RASAL2: variants seen among roughly 807,000 people sequenced by gnomAD.
RASAL2 encodes ras GTPase-activating protein nGAP.
RASAL2 carries 58 observed loss-of-function variants against 128.9 expected under a neutral mutation model. The ratio of observed to expected loss-of-function variants is 0.45; its 90% CI spans 0.36 to 0.56. RASAL2 has a LOEUF of 0.56. Among genes scored for constraint, RASAL2 ranks in the 20% least tolerant of loss-of-function variants. The pLI, the probability that RASAL2 is intolerant of heterozygous loss-of-function variation, is 0.00. For missense variants in RASAL2, 1,360 were observed against 1,601.6 expected, an observed-to-expected ratio of 0.85 and a Z score of 2.57; for synonymous variants, 561 against 580.8, an observed-to-expected ratio of 0.97 and a Z score of 0.49.
chr1:178,254,709 G>A (rs1665238441), intron 1 of RASAL2, among the ~76,000 whole-genome samples: 1 of 152,006 alleles, frequency 6.6e-6, no homozygotes, highest in Non-Finnish European at 1.5e-5. Flanking sequence ...TTTCTTCTCA[G>A]GAATACAGAA....
intron 1 of RASAL2, among the ~76,000 whole-genome samples, chr1:178,109,701 T>C (rs1198701927): frequency 6.6e-6 from 1 of 152,138 alleles, no homozygotes; most frequent in African/African-American, 2.4e-5. Context: ...AGTATTTCAT[T>C]CTGACCAATT....
Position 178,457,870 on chromosome 1 carries a change from C to A in RASAL2, c.2578C>A (p.Gln860Lys), listed in dbSNP as rs781216093. 15 of 1,614,054 alleles carry A rather than the reference C, an allele frequency of 9.3e-6. No homozygotes were observed. Among genetic ancestry groups the A allele is most frequent in the Non-Finnish European group, 1.2e-5 (14 of 1,180,038 alleles). ...LMDLQDTHAAQVEHASVMLDV... is the reference protein window; with the variant it reads ...LMDLQDTHAAKVEHASVMLDV... ...GGACCTCCAGGACACTCATGCTGCT[C>A]AAGTGGAGCATGCATCTGTCATGCT... The change falls in exon 14 of 18, where the codon CAA becomes AAA. Residue 860 changes from glutamine to lysine, a missense_variant. Gln to Lys is a moderately conservative substitution (Grantham distance 53). This residue lies in a region of RASAL2 where 741 missense variants were observed against 868.6 expected (regional missense o/e 0.85). Transcript: ENST00000367649.
At chr1:178,396,581 G>A (rs1447289885) in intron 4 of RASAL2, among the ~76,000 whole-genome samples, 2 of 152,012 alleles carry the variant, frequency 1.3e-5, no homozygotes, top group Non-Finnish European at 2.9e-5. Context: ...GGTCTTCTCA[G>A]CTGTACTTAT....
At chr1:178,346,737 T>C (rs1220319438) in intron 3 of RASAL2, among the ~76,000 whole-genome samples, 1 of 152,180 alleles carries the variant, frequency 6.6e-6, no homozygotes, top group Non-Finnish European at 1.5e-5. Flanking sequence ...TCTTCTCATC[T>C]CTGAGAAATG....
intron 4 of RASAL2, among the ~76,000 whole-genome samples, chr1:178,417,970 TAGCTACATTTATTAGCAAATGTGGTG>T (rs969721522): frequency 7.2e-5 from 11 of 152,248 alleles, no homozygotes; most frequent in Non-Finnish European, 1.6e-4. Context: ...CCTGGTTTGC[TAGCTACATTTATTAGCAAATGTGGTG>T]ACTCATTCTG....
chr1:178,133,395 G>A (rs976262863), intron 1 of RASAL2, among the ~76,000 whole-genome samples: 2 of 151,836 alleles, frequency 1.3e-5, no homozygotes, highest in African/African-American at 4.8e-5. Flanking sequence ...TGAATAGCAG[G>A]ACAGACTTGA....
intron 1 of RASAL2, among the ~76,000 whole-genome samples, chr1:178,255,452 G>C (rs1286956683): frequency 6.6e-6 from 1 of 152,018 alleles, no homozygotes; most frequent in East Asian, 1.9e-4. Context: ...AGACATGGGT[G>C]GGAATAAAGC....
intron 1 of RASAL2, among the ~76,000 whole-genome samples, chr1:178,230,860 C>A (rs1310374829): frequency 6.6e-6 from 1 of 152,024 alleles, no homozygotes; most frequent in Non-Finnish European, 1.5e-5. Flanking sequence ...TTGATTCTTC[C>A]CTTGGGGTAG....
intron 1 of RASAL2, among the ~76,000 whole-genome samples, chr1:178,197,951 T>G (rs1571617218): frequency 6.6e-6 from 1 of 152,196 alleles, no homozygotes; most frequent in East Asian, 1.9e-4. Flanking sequence ...CATGCAGTGT[T>G]TGGTTTTCTG....
chr1:178,323,809 A>G lies in RASAL2; in HGVS notation c.457+23691A>G, dbSNP rs1935846. On this transcript the variant is annotated intron_variant, in intron 3 of 17. Transcript: ENST00000367649. ...TTTATCCTTTTTGCTGCATTTCACA[A>G]AATGAATATTAGGTTATTTATAACA... is the stretch of plus-strand genomic sequence containing the variant. Among the ~76,000 whole-genome samples the G allele has an allele frequency of 5.6e-3, 851 of 152,348 alleles. 11 individuals carry two copies. Among genetic ancestry groups the G allele is most frequent in the African/African-American group, 0.019 (796 of 41,584 alleles).
chr1:178,318,991 G>A (rs1324339438), intron 3 of RASAL2, among the ~76,000 whole-genome samples: 2 of 151,864 alleles, frequency 1.3e-5, no homozygotes, highest in Non-Finnish European at 1.5e-5. Flanking sequence ...CAGACCTGGT[G>A]GTGACAAAAT....
chr1:178,211,662 TC>T (rs1663260966), intron 1 of RASAL2, among the ~76,000 whole-genome samples: 1 of 152,098 alleles, frequency 6.6e-6, no homozygotes, highest in Admixed American at 6.6e-5. Flanking sequence ...TCAAACTCTA[TC>T]CCCTTAACCT....
At chr1:178,178,681 TTTG>T (rs1217574146) in intron 1 of RASAL2, among the ~76,000 whole-genome samples, 3 of 152,196 alleles carry the variant, frequency 2.0e-5, no homozygotes, top group African/African-American at 7.2e-5. Context: ...ACTCAAACAG[TTTG>T]TTTTTATGGG....
At chr1:178,153,048 T>A (rs1309707379) in intron 1 of RASAL2, among the ~76,000 whole-genome samples, 1 of 152,206 alleles carries the variant, frequency 6.6e-6, no homozygotes, top group African/African-American at 2.4e-5. Context: ...ATTTCATACA[T>A]TTTGGTAGTT....
intron 3 of RASAL2, among the ~76,000 whole-genome samples, chr1:178,370,028 T>TG (rs1407757134): frequency 7.2e-5 from 11 of 152,196 alleles, no homozygotes; most frequent in African/African-American, 2.4e-4. Context: ...TTGTCAGATG[T>TG]ATATGGTAGA....
chr1:178,253,261 A>G (rs1665138329), intron 1 of RASAL2, among the ~76,000 whole-genome samples: 3 of 151,950 alleles, frequency 2.0e-5, no homozygotes, highest in African/African-American at 7.3e-5. Flanking sequence ...TTTTATTATA[A>G]TGATTTGGGT....
intron 2 of RASAL2, among the ~76,000 whole-genome samples, chr1:178,295,215 G>A (rs1667437728): frequency 6.6e-6 from 1 of 151,290 alleles, no homozygotes; most frequent in East Asian, 1.9e-4. Context: ...TGTCTAGAGT[G>A]GTCTAAGCGT....
At chr1:178,234,639 G>A (rs1664152262) in intron 1 of RASAL2, among the ~76,000 whole-genome samples, 1 of 152,000 alleles carries the variant, frequency 6.6e-6, no homozygotes, top group Admixed American at 6.6e-5. Flanking sequence ...AACAATTTTG[G>A]TTATGACTTG....
chr1:178,416,980 GT>G (rs57449533), intron 4 of RASAL2, among the ~76,000 whole-genome samples: 14,232 of 142,950 alleles, frequency 0.1, 801 homozygotes, highest in South Asian at 0.16. Context: ...TTCTTTTAGG[GT>G]TTTTTTTTTT....
Sources: gnomAD v4.1 joint callset for allele counts (sites outside exome capture counted in the v4.1 genomes callset) on GRCh38, gnomAD v4.1.1 for gene constraint, gnomAD v4.1.1 regional missense constraint, MANE v1.5 for transcripts, NCBI Gene and HGNC (gene_info 2026-07-23, HGNC 2026-07-21) for gene names.